The following HMCN2 variants were observed in gnomAD, a reference collection of about 807,000 sequenced individuals.
The protein encoded by HMCN2 is hemicentin-2.
A neutral mutation model predicts 377.5 loss-of-function variants in HMCN2; 325 were observed. The ratio of observed to expected loss-of-function variants is 0.86; its 90% CI spans 0.79 to 0.94. HMCN2 has a LOEUF of 0.94. Ranked by LOEUF, HMCN2 falls within the 40% of genes least tolerant of loss-of-function variation. The pLI is 0.00. For synonymous variants in HMCN2, 2,007 were observed against 2,046.8 expected, an observed-to-expected ratio of 0.98 and a Z score of 0.53; for missense variants, 4,543 against 4,725.3, an observed-to-expected ratio of 0.96 and a Z score of 1.13.
Position 130,349,671 on chromosome 9 carries a change from C to T in HMCN2, c.4430+8C>T. ...GTGGACCAAGGACAGGCAGTGAGTGCCCCCCTCCCCGAGGATGGCGTGTGG... is the reference window on the plus strand; with the variant it reads ...GTGGACCAAGGACAGGCAGTGAGTGTCCCCCTCCCCGAGGATGGCGTGTGG... On this transcript the variant is annotated splice_region_variant and intron_variant, in intron 29 of 97. Transcript: ENST00000683500. 7.7e-7 allele frequency: 1 copy of T among 1,299,512 alleles called. No homozygotes were observed. Among genetic ancestry groups the T allele is most frequent in the Non-Finnish European group, 1.0e-6 (1 of 985,886 alleles). 80.5% of individuals were successfully genotyped at this position (1,299,512 alleles called of 1,614,324 possible). A position where few individuals can be genotyped will look rare whatever the true frequency, so the allele number is the denominator to read the frequency against.
chr9:130,305,007 G>A lies in HMCN2; in HGVS notation c.1816+5G>A, dbSNP rs2131346970. The stretch of plus-strand genomic sequence containing the variant: ...CCGTCTGGCTCCTGGTGCGAGGTGA[G>A]GCTCATCCTGCTGCTGCTGTTCCCC... On this transcript the variant is annotated splice_donor_5th_base_variant and intron_variant, in intron 11 of 97. Coordinates refer to ENST00000683500, the MANE Select transcript of HMCN2 (RefSeq NM_001291815.2). 1 of 465,556 alleles carries A rather than the reference G, an allele frequency of 2.1e-6. No homozygotes were observed. The highest frequency in any genetic ancestry group is 2.0e-5 in the African/African-American group (1 of 50,092). The allele number at this position is 465,556 out of a possible 1,614,324, so 28.8% of individuals were successfully genotyped here.
intron 34 of HMCN2, among the ~76,000 whole-genome samples, chr9:130,357,190 G>GTGGA (rs150715063): frequency 0.17 from 23,142 of 138,072 alleles, 2,708 homozygotes; most frequent in African/African-American, 0.3. Context: ...GGATGGATGG[G>GTGGA]TGGATGGATG....
At chr9:130,300,686 C>T (rs546168516) in intron 8 of HMCN2, among the ~76,000 whole-genome samples, 1 of 152,264 alleles carries the variant, frequency 6.6e-6, no homozygotes, top group Non-Finnish European at 1.5e-5. Context: ...CTGCTGTTAC[C>T]GTTACATCAT....
intron 4 of HMCN2, among the ~76,000 whole-genome samples, chr9:130,290,049 C>G (rs531479233): frequency 6.6e-6 from 1 of 152,210 alleles, no homozygotes; most frequent in Admixed American, 6.5e-5. Flanking sequence ...CCAGATTTTT[C>G]GTTCCTTCCC....
Position 130,325,800 on chromosome 9 carries a change from C to T in HMCN2, c.3034-11C>T, listed in dbSNP as rs1195283768. Reference sequence around the variant, plus strand: ...TGGGCTTCGCCGATGTCACCTGTGCCTCTGCCCTAGGAAACCAATGCCCTG... The same window carrying T: ...TGGGCTTCGCCGATGTCACCTGTGCTTCTGCCCTAGGAAACCAATGCCCTG... On this transcript the variant is annotated splice_polypyrimidine_tract_variant and intron_variant, in intron 20 of 97. Transcript: ENST00000683500. 1 of 152,290 alleles carries T rather than the reference C, an allele frequency of 6.6e-6. No individual in the cohort carries two copies. Among genetic ancestry groups the T allele is most frequent in the African/African-American group, 2.4e-5 (1 of 41,462 alleles). The allele number at this position is 152,290 out of a possible 1,614,324, so 9.4% of individuals were successfully genotyped here. A position where few individuals can be genotyped will look rare whatever the true frequency, so the allele number is the denominator to read the frequency against.
At chr9:130,294,109 A>G (rs566531416) in intron 4 of HMCN2, among the ~76,000 whole-genome samples, 1 of 152,058 alleles carries the variant, frequency 6.6e-6, no homozygotes, top group Non-Finnish European at 1.5e-5. Flanking sequence ...GGATTTGGAG[A>G]AACTAAATAA....
At position 130,428,342 on chromosome 9, in the gene HMCN2, C is replaced by T; in HGVS notation, c.14066-16C>T. ...GGATCATGTTCACACAGCCGTCTGC[C>T]CTGATCTGCCCCCAGATGTGGACGA... On this transcript the variant is annotated splice_polypyrimidine_tract_variant and intron_variant, in intron 92 of 97. Transcript: ENST00000683500. This position sits in a 1 kb window ranked among gnomAD's most constrained non-coding sequence, Gnocchi z 5.0. 1 of 1,539,668 alleles carries T rather than the reference C, an allele frequency of 6.5e-7. No homozygotes were observed. Among genetic ancestry groups the T allele is most frequent in the Non-Finnish European group, 8.8e-7 (1 of 1,141,984 alleles).
At chr9:130,309,047 A>G (rs1554937880) in intron 14 of HMCN2, among the ~76,000 whole-genome samples, 1 of 152,268 alleles carries the variant, frequency 6.6e-6, no homozygotes, top group South Asian at 2.1e-4. Flanking sequence ...GTGTGAATGC[A>G]CTGGATGCCA....
Position 130,392,767 on chromosome 9 carries a change from C to T in HMCN2, c.10137-445C>T, listed in dbSNP as rs548394658. ...AATCCAGCACTTTGGGAGGCCAAGG[C>T]GGGCAGATTACAAGGTCAGGAGATC... is the stretch of plus-strand genomic sequence containing the variant. On this transcript the variant is annotated intron_variant, in intron 66 of 97. Transcript: ENST00000683500. 3.0e-4 allele frequency among the ~76,000 whole-genome samples: 45 copies of T among 152,178 alleles called. 1 individual carries two copies. The South Asian group carries it at 5.4e-3, about 18-fold the overall frequency.
rs782461338 is a variant in HMCN2, at chr9:130,266,161, GCCGGGCGCCCCCTTCGAGGTGCTCTCA to G, written c.259+27_259+53del. 1.2e-3 allele frequency: 564 copies of G among 457,740 alleles called. 1 individual carries two copies. Among genetic ancestry groups the G allele is most frequent in the African/African-American group, 0.01 (505 of 49,846 alleles). 28.4% of individuals were successfully genotyped at this position (457,740 alleles called of 1,614,324 possible). ...AGGTAGCGCCCCCGCACCCCCGCCC[GCCGGGCGCCCCCTTCGAGGTGCTCTCA>G]CCTGCCTGACCCCCTCAGTTGGCCC... is the stretch of plus-strand genomic sequence containing the variant. On this transcript the variant is annotated intron_variant, in intron 1 of 97. Coordinates refer to ENST00000683500, the MANE Select transcript of HMCN2 (RefSeq NM_001291815.2).
Position 130,393,213 on chromosome 9 carries a change from A to T in HMCN2, c.10138A>T (p.Ile3380Phe), listed in dbSNP as rs955472533. The change falls in exon 67 of 98, where the codon ATT becomes TTT. Residue 3380 changes from isoleucine (I) to phenylalanine (F), a missense_variant and splice_region_variant. Transcript: ENST00000683500. The surrounding 1 kb of genome is among the most constrained non-coding windows in gnomAD (Gnocchi z 5.2). ...TCCCTCTCCTCTCGGGGGATTCAGG[A>T]TTTCCAAGGTGCAATTGGCAGACGC... ...LLHGSGHTLRISKVQLADAGI... is the reference protein window; with the variant it reads ...LLHGSGHTLRFSKVQLADAGI... 5.4e-5 allele frequency: 53 copies of T among 987,702 alleles called. No individual in the cohort carries two copies. The highest frequency in any genetic ancestry group is 5.4e-5 in the Non-Finnish European group (45 of 830,148). 61.2% of individuals were successfully genotyped at this position (987,702 alleles called of 1,614,324 possible). A position where few individuals can be genotyped will look rare whatever the true frequency, so the allele number is the denominator to read the frequency against.
chr9:130,383,823 C>A (rs531146383), intron 57 of HMCN2, among the ~76,000 whole-genome samples: 1 of 152,306 alleles, frequency 6.6e-6, no homozygotes, highest in South Asian at 2.1e-4. Context: ...CCAGGCATTA[C>A]CACCACCATT....
At chr9:130,375,168 A>G (rs1338210875) in intron 49 of HMCN2, among the ~76,000 whole-genome samples, 2 of 152,244 alleles carry the variant, frequency 1.3e-5, no homozygotes, top group Admixed American at 1.3e-4. Context: ...GGGAGTTGAA[A>G]GAAGAAATCT....
intron 75 of HMCN2, 62 bp downstream of exon 75, chr9:130,398,769 T>A: frequency 4.9e-6 from 5 of 1,011,906 alleles, no homozygotes; most frequent in Non-Finnish European, 6.7e-6. Flanking sequence ...CACTCTCTTC[T>A]CACGGGGGCA....
chr9:130,422,512 C>T lies in HMCN2; in HGVS notation c.13232-65C>T, dbSNP rs1588437705. 2.5e-5 allele frequency: 31 copies of T among 1,217,606 alleles called. 1 individual carries two copies. The East Asian group carries it at 9.8e-4, about 39-fold the overall frequency. The allele number at this position is 1,217,606 out of a possible 1,614,324, so 75.4% of individuals were successfully genotyped here. Reference sequence around the variant, plus strand: ...TCCTTCACGAAATGGGAATGACAGCCTGCTTGTGCTGTGGGCCCCGGGGTG... The same window carrying T: ...TCCTTCACGAAATGGGAATGACAGCTTGCTTGTGCTGTGGGCCCCGGGGTG... On this transcript the variant is annotated intron_variant, in intron 86 of 97. Coordinates refer to ENST00000683500, the MANE Select transcript of HMCN2 (RefSeq NM_001291815.2). This position sits in a 1 kb window ranked among gnomAD's most constrained non-coding sequence, Gnocchi z 4.2.
chr9:130,358,365 A>G (rs1209961280), intron 35 of HMCN2, 25 bp from the exon 36 acceptor site: 2 of 1,304,158 alleles, frequency 1.5e-6, no homozygotes, highest in East Asian at 1.1e-4. Context: ...GCCCTGTGGC[A>G]TACTCTCTGC....
chr9:130,380,780 A>C (rs947823058), intron 54 of HMCN2, among the ~76,000 whole-genome samples: 3 of 149,242 alleles, frequency 2.0e-5, no homozygotes, highest in African/African-American at 7.5e-5. Context: ...GATCAAGACT[A>C]TCTCAAAAAA....
At chr9:130,372,509 G>T in intron 47 of HMCN2, 102 bp downstream of exon 47, 1 of 240,552 alleles carries the variant, frequency 4.2e-6, no homozygotes, top group Non-Finnish European at 6.7e-6. Context: ...TGCTGTAGCA[G>T]GGGCCCAGCA....
Position 130,398,677 on chromosome 9 carries a change from T to C in HMCN2, c.11453T>C (p.Leu3818Pro). 1 of 1,289,568 alleles carries C rather than the reference T, an allele frequency of 7.8e-7. No homozygotes were observed. The highest frequency in any genetic ancestry group is 1.0e-6 in the Non-Finnish European group (1 of 988,666). 79.9% of individuals were successfully genotyped at this position (1,289,568 alleles called of 1,614,324 possible). ...GTCTGGTGGAAGGACGGACAGAAGC[T>C]GGACTTCCGCCTGCAGCAGGGCGCC... Reference protein sequence around the residue: ...LVVWWKDGQKLDFRLQQGAYR... With the variant: ...LVVWWKDGQKPDFRLQQGAYR... Residue 3818 changes from leucine to proline, a missense_variant, in exon 75 of 98, where the codon CTG (leucine) becomes CCG (proline). By Grantham distance (98) the Leu-to-Pro change is moderately conservative. Around this residue, in one of 5 missense-constraint regions of HMCN2, gnomAD observed 1,073 missense variants for 1,319.5 expected, o/e 0.81. Transcript: ENST00000683500.
Sources: gnomAD v4.1 joint callset for allele counts (sites outside exome capture counted in the v4.1 genomes callset) on GRCh38, gnomAD v4.1.1 for gene constraint, gnomAD v4.1.1 regional missense constraint, Gnocchi (gnomAD v3.1) non-coding constraint, MANE v1.5 for transcripts, NCBI Gene and HGNC (gene_info 2026-07-23, HGNC 2026-07-21) for gene names.